LMNTD1: variants seen among roughly 807,000 people sequenced by gnomAD.
LMNTD1 encodes lamin tail domain containing 1, also known as lamin tail domain-containing protein 1.
LMNTD1 carries 35 observed loss-of-function variants against 50.9 expected under a neutral mutation model. That is an observed-to-expected ratio of 0.69 (90% CI 0.53 to 0.91). The LOEUF (loss-of-function observed/expected upper bound fraction) is 0.91, where lower values mean the gene tolerates loss of function less well. LMNTD1 is among the 40% of genes least tolerant of loss of function. The pLI is 0.00. For missense variants in LMNTD1, 470 were observed against 475.5 expected, an observed-to-expected ratio of 0.99 and a Z score of 0.11; for synonymous variants, 153 against 161.9, an observed-to-expected ratio of 0.94 and a Z score of 0.42.
chr12:25,536,491 C>T (rs1212145339), intron 4 of LMNTD1, among the ~76,000 whole-genome samples: 1 of 151,414 alleles, frequency 6.6e-6, no homozygotes, highest in Non-Finnish European at 1.5e-5. Context: ...TTTCAATTAC[C>T]CAAGGATAAA....
At chr12:25,578,441 G>A (rs528424651) in intron 1 of LMNTD1, among the ~76,000 whole-genome samples, 17 of 152,256 alleles carry the variant, frequency 1.1e-4, no homozygotes, top group Admixed American at 3.9e-4. Context: ...CCTCATAGGA[G>A]CAAGTAACCA....
At chr12:25,536,541 A>G (rs1942587431) in intron 4 of LMNTD1, among the ~76,000 whole-genome samples, 1 of 152,256 alleles carries the variant, frequency 6.6e-6, no homozygotes. Flanking sequence ...AACTGAATGA[A>G]AATAAAAATA....
intron 8 of LMNTD1, among the ~76,000 whole-genome samples, chr12:25,515,783 G>C (rs115344001): frequency 2.0e-5 from 3 of 152,058 alleles, no homozygotes; most frequent in Admixed American, 6.6e-5. Context: ...ATATTTGAGA[G>C]ACACAGTTTA....
At chr12:25,481,698 C>T (rs901585462) in intron 9 of LMNTD1, among the ~76,000 whole-genome samples, 3 of 151,216 alleles carry the variant, frequency 2.0e-5, no homozygotes, top group African/African-American at 7.3e-5. Flanking sequence ...GCTGGATAGA[C>T]AACAGGCTAA....
intron 9 of LMNTD1, among the ~76,000 whole-genome samples, chr12:25,496,564 G>A (rs996905565): frequency 2.6e-5 from 4 of 152,128 alleles, no homozygotes; most frequent in African/African-American, 4.8e-5. Context: ...TAATGTCAAC[G>A]GTGTGGCCCA....
intron 1 of LMNTD1, among the ~76,000 whole-genome samples, chr12:25,594,673 A>C (rs980777245): frequency 2.9e-5 from 4 of 136,342 alleles, no homozygotes; most frequent in African/African-American, 1.1e-4. Context: ...AAAAAAAAAA[A>C]AAACCCAAGG....
At chr12:25,520,428 T>G (rs138470509) in intron 6 of LMNTD1, among the ~76,000 whole-genome samples, 40 of 152,244 alleles carry the variant, frequency 2.6e-4, no homozygotes, top group African/African-American at 9.6e-4. Context: ...TCTCTTTCTC[T>G]GTATGTTTGA....
intron 2 of LMNTD1, among the ~76,000 whole-genome samples, chr12:25,552,441 C>T (rs989695384): frequency 2.0e-5 from 3 of 151,846 alleles, no homozygotes; most frequent in Non-Finnish European, 2.9e-5. Flanking sequence ...CTCGTCTCTA[C>T]TAAAAATACA....
At chr12:25,618,530 A>G (rs1024136995) in intron 1 of LMNTD1, among the ~76,000 whole-genome samples, 3 of 151,870 alleles carry the variant, frequency 2.0e-5, no homozygotes, top group African/African-American at 7.3e-5. Flanking sequence ...ACATGTTAAG[A>G]CTCTACAAAG....
intron 5 of LMNTD1, 32 bp from the exon 6 acceptor site, chr12:25,526,250 T>C: frequency 1.3e-6 from 2 of 1,599,104 alleles, no homozygotes; most frequent in South Asian, 1.1e-5. Flanking sequence ...CAAATGCCAC[T>C]GGAGTTGAAC....
At chr12:25,549,047 G>A (rs1005332991) in intron 3 of LMNTD1, among the ~76,000 whole-genome samples, 5 of 151,928 alleles carry the variant, frequency 3.3e-5, no homozygotes, top group East Asian at 3.9e-4. Context: ...CAATTCTAAT[G>A]TATGTTAGCG....
At chr12:25,484,801 A>C (rs1174686319) in intron 9 of LMNTD1, among the ~76,000 whole-genome samples, 2 of 144,568 alleles carry the variant, frequency 1.4e-5, no homozygotes, top group African/African-American at 5.2e-5. Context: ...GATGATTTCC[A>C]ATTTCATCCA....
At chr12:25,528,096 G>C (rs1484621463) in intron 4 of LMNTD1, among the ~76,000 whole-genome samples, 1 of 151,990 alleles carries the variant, frequency 6.6e-6, no homozygotes, top group African/African-American at 2.4e-5. Flanking sequence ...AAGTATTTTG[G>C]TGAAGGCATT....
At chr12:25,521,733 C>CTG (rs143458952) in intron 6 of LMNTD1, among the ~76,000 whole-genome samples, 2,609 of 152,174 alleles carry the variant, frequency 0.017, 72 homozygotes, top group African/African-American at 0.058. Flanking sequence ...ATTTAAGACA[C>CTG]TGTGTGTGTG....
Position 25,520,017 on chromosome 12 carries a change from T to A in LMNTD1, c.857A>T (p.Asp286Val). Residue 286 changes from aspartate to valine, a missense_variant, in exon 7 of 10, where the codon GAC (aspartate) becomes GTC (valine). Transcript: ENST00000458174. ...TACTGAACATCTGTTAAATTCAACG[T>A]CAGCATCTAATTTTTCCCACGCTTG... ...WKQAWEKLDADVEFNRCSVVS... is the reference protein window; with the variant it reads ...WKQAWEKLDAVVEFNRCSVVS... 3 of 1,613,672 alleles carry A rather than the reference T, an allele frequency of 1.9e-6. No individual in the cohort carries two copies.
intron 8 of LMNTD1, among the ~76,000 whole-genome samples, chr12:25,513,282 C>T (rs775336681): frequency 5.3e-5 from 8 of 152,092 alleles, no homozygotes; most frequent in African/African-American, 1.2e-4. Context: ...TGCAAGAACA[C>T]GATATAAATT....
intron 1 of LMNTD1, among the ~76,000 whole-genome samples, chr12:25,617,099 C>T (rs1417351533): frequency 2.0e-5 from 3 of 152,116 alleles, no homozygotes; most frequent in African/African-American, 7.2e-5. Context: ...GGTAAAATAA[C>T]TTTCTCAATA....
intron 1 of LMNTD1, among the ~76,000 whole-genome samples, chr12:25,619,805 C>T (rs1339030232): frequency 6.6e-6 from 1 of 152,212 alleles, no homozygotes; most frequent in Non-Finnish European, 1.5e-5. Flanking sequence ...GTCAAGCTGT[C>T]TTGGGCATAA....
At chr12:25,528,349 C>T (rs58218550) in intron 4 of LMNTD1, among the ~76,000 whole-genome samples, 23,101 of 152,092 alleles carry the variant, frequency 0.15, 1,872 homozygotes, top group African/African-American at 0.2. Context: ...AACCCTTGTC[C>T]TTCTGCCTCA....
Sources: gnomAD v4.1 joint callset for allele counts (sites outside exome capture counted in the v4.1 genomes callset) on GRCh38, gnomAD v4.1.1 for gene constraint, MANE v1.5 for transcripts, NCBI Gene and HGNC (gene_info 2026-07-23, HGNC 2026-07-21) for gene names.